The following MIA3 variants were observed in gnomAD, a reference collection of about 807,000 sequenced individuals.
MIA3 encodes transport and Golgi organization protein 1 homolog.
In MIA3, 90 loss-of-function variants were observed where a neutral mutation model predicts 192.4. That is an observed-to-expected ratio of 0.47 (90% confidence interval 0.39 to 0.56). The LOEUF is 0.56. Ranked by LOEUF, MIA3 falls within the 20% of genes least tolerant of loss-of-function variation. The probability of loss-of-function intolerance (pLI) is 0.00; values close to 1 mark genes in which losing one functional copy is unlikely to be tolerated. For missense variants in MIA3, 2,123 were observed against 2,269.4 expected, an observed-to-expected ratio of 0.94 and a Z score of 1.31; for synonymous variants, 740 against 792.8, an observed-to-expected ratio of 0.93 and a Z score of 1.12.
chr1:222,624,957 A>G, intron 3 of MIA3, 103 bp downstream of exon 3: 1 of 593,102 alleles, frequency 1.7e-6, no homozygotes, highest in Non-Finnish European at 3.0e-6. Context: ...AGATTTTATC[A>G]TAATCTGATA....
At chr1:222,624,644 G>A (rs1171748011) in intron 2 of MIA3, 124 bp from the exon 3 acceptor site, 1 of 605,912 alleles carries the variant, frequency 1.7e-6, no homozygotes, top group East Asian at 3.2e-5. Context: ...GAAAAGTAAT[G>A]ACATTACAAG....
At chr1:222,647,885 G>T in intron 7 of MIA3, 1 of 365,344 alleles carries the variant, frequency 2.7e-6, no homozygotes, top group Non-Finnish European at 5.7e-6. Context: ...TATTATAAGT[G>T]AGATTTAGAT....
Position 222,629,396 on chromosome 1 carries a change from C to T in MIA3, c.2176C>T (p.Pro726Ser). Residue 726 changes from proline (P) to serine (S), a missense_variant, in exon 4 of 28, where the codon CCC becomes TCC. Coordinates refer to ENST00000344922, the MANE Select transcript of MIA3 (RefSeq NM_198551.4). ...TTCTAAAGTAGAAGAGGATGATTAT[C>T]CCTCTGAAGAACTACTAGAGGATGA... ...FLSKVEEDDYPSEELLEDENA... is the reference protein window; with the variant it reads ...FLSKVEEDDYSSEELLEDENA... The T allele has an allele frequency of 1.9e-6, 3 of 1,614,132 alleles. No homozygotes were observed. Among genetic ancestry groups the T allele is most frequent in the Non-Finnish European group, 2.5e-6 (3 of 1,180,016 alleles).
chr1:222,633,900 G>A (rs1442325564), intron 6 of MIA3, among the ~76,000 whole-genome samples: 1 of 151,826 alleles, frequency 6.6e-6, no homozygotes, highest in African/African-American at 2.4e-5. Context: ...GCCCAGGCAG[G>A]AGTGCATTGG....
Position 222,653,022 on chromosome 1 carries a change from C to G in MIA3, c.4101C>G (p.Ile1367Met), listed in dbSNP as rs141793672. ...KKKKEQLQQE[I>M]EDWSKLHAEL... The stretch of plus-strand genomic sequence containing the variant: ...TAACTTTGCAGTTGCAGCAGGAAAT[C>G]GAAGACTGGAGTAAATTACATGCTG... Residue 1367 changes from isoleucine (I) to methionine (M), a missense_variant, in exon 14 of 28, where the codon ATC (isoleucine) becomes ATG (methionine). By Grantham distance (10) the Ile-to-Met change is conservative. Coordinates refer to ENST00000344922, the MANE Select transcript of MIA3 (RefSeq NM_198551.4). The G allele has an allele frequency of 1.9e-6, 3 of 1,610,808 alleles. No individual in the cohort carries two copies. The African/African-American group carries it at 4.0e-5, about 21-fold the overall frequency.
At position 222,665,655 on chromosome 1, in the gene MIA3, G is replaced by A; in HGVS notation, c.*36G>A. On this transcript the variant is annotated 3_prime_UTR_variant, in exon 28 of 28. Transcript: ENST00000344922. ...TCTGAGGTTTCATTGGAAAGAAAGT[G>A]TACTGTGCATTATCCATTACAGTAA... The A allele has an allele frequency of 2.7e-6, 4 of 1,497,700 alleles. No homozygotes were observed. Among genetic ancestry groups the A allele is most frequent in the Non-Finnish European group, 3.6e-6 (4 of 1,112,534 alleles). The allele number at this position is 1,497,700 out of a possible 1,614,324, so 92.8% of individuals were successfully genotyped here.
At chr1:222,658,549 A>C in intron 18 of MIA3, 173 bp from the exon 19 acceptor site, 2 of 482,704 alleles carry the variant, frequency 4.1e-6, no homozygotes, top group East Asian at 3.7e-5. Flanking sequence ...TGATGTATCA[A>C]CAGGCCACAG....
chr1:222,646,914 TCA>T (rs1663174701), intron 7 of MIA3, among the ~76,000 whole-genome samples: 1 of 152,108 alleles, frequency 6.6e-6, no homozygotes, highest in African/African-American at 2.4e-5. Flanking sequence ...CAACAAATAC[TCA>T]CAATTTAACA....
rs571417465 is a variant in MIA3 at position 222,660,231 on chromosome 1, G to A, written c.5030G>A (p.Cys1677Tyr). ...CCATCCCCTGTGAGTGGTGGAGAAT[G>A]CTCCCCTCCATTGACAGTGGAGCCA... ...FGPSPVSGGECSPPLTVEPPV... is the reference protein window; with the variant it reads ...FGPSPVSGGEYSPPLTVEPPV... The change falls in exon 24 of 28, where the codon TGC (cysteine) becomes TAC (tyrosine). Residue 1677 changes from cysteine to tyrosine, a missense_variant. This residue lies in a region of MIA3 where 762 missense variants were observed against 856.4 expected (regional missense o/e 0.89). Coordinates refer to ENST00000344922, the MANE Select transcript of MIA3 (RefSeq NM_198551.4). 134 of 1,613,726 alleles carry A rather than the reference G, an allele frequency of 8.3e-5. 3 individuals carry two copies. In the South Asian group the frequency reaches 1.2e-3, roughly 15 times the overall value.
At chr1:222,662,390 ACT>A in intron 26 of MIA3, 58 bp downstream of exon 26, 8 of 1,587,610 alleles carry the variant, frequency 5.0e-6, no homozygotes, top group African/African-American at 1.3e-5. Context: ...TCTTCCTACA[ACT>A]CTCTCTTTGC....
In MIA3 at chr1:222,666,700, A is replaced by AAGG; in HGVS notation, c.*1081_*1082insAGG. Reference sequence around the variant, plus strand: ...GAAATCAGTTCTGTTTTAGGGGGAAATGGGGGCGACAGATATTATTCCAAA... The same window carrying AAGG: ...GAAATCAGTTCTGTTTTAGGGGGAAAAGGTGGGGGCGACAGATATTATTCCAAA... On this transcript the variant is annotated 3_prime_UTR_variant, in exon 28 of 28. Transcript: ENST00000344922. The AAGG allele has an allele frequency of 1.4e-4, 1 of 7,164 alleles. No homozygotes were observed. The highest frequency in any genetic ancestry group is 2.5e-3 in the South Asian group (1 of 406). 0.4% of individuals were successfully genotyped at this position (7,164 alleles called of 1,614,324 possible). A position where few individuals can be genotyped will look rare whatever the true frequency, so the allele number is the denominator to read the frequency against.
rs766289643 is a variant in MIA3, at chr1:222,665,489, A to T, written c.5594A>T (p.His1865Leu). The T allele has an allele frequency of 1.2e-6, 2 of 1,613,790 alleles. No individual in the cohort carries two copies. Among genetic ancestry groups the T allele is most frequent in the South Asian group, 2.2e-5 (2 of 91,068 alleles). The change falls in exon 28 of 28, where the codon CAT becomes CTT. Residue 1865 changes from histidine (H) to leucine (L), a missense_variant. Around this residue, in one of 3 missense-constraint regions of MIA3, gnomAD observed 762 missense variants for 856.4 expected, o/e 0.89. Coordinates refer to ENST00000344922, the MANE Select transcript of MIA3 (RefSeq NM_198551.4). ...IPGTRLPPPT[H>L]GPQEYPPPPA... The stretch of plus-strand genomic sequence containing the variant: ...GGTACCCGATTACCACCCCCAACCC[A>T]TGGTCCCCAGGAATACCCACCACCA...
chr1:222,629,577 T>C lies in MIA3; in HGVS notation c.2357T>C (p.Leu786Ser), dbSNP rs370999964. Residue 786 changes from leucine to serine, a missense_variant, in exon 4 of 28, where the codon TTG (leucine) becomes TCG (serine). By Grantham distance (145) the Leu-to-Ser change is moderately radical. Coordinates refer to ENST00000344922, the MANE Select transcript of MIA3 (RefSeq NM_198551.4). ...EESKQETSMI[L>S]DSEKTSETAA... ...AGCAAGCAAGAAACTAGTATGATTT[T>C]GGATAGCGAAAAAACAAGTGAGACT... 6.2e-6 allele frequency: 10 copies of C among 1,613,946 alleles called. No individual in the cohort carries two copies. Among genetic ancestry groups the C allele is most frequent in the Non-Finnish European group, 5.9e-6 (7 of 1,179,962 alleles).
At chr1:222,631,647 T>A (rs1199080381) in intron 4 of MIA3, among the ~76,000 whole-genome samples, 6 of 152,242 alleles carry the variant, frequency 3.9e-5, no homozygotes, top group African/African-American at 1.4e-4. Context: ...TGGATCACAT[T>A]GGACTGTCCC....
Position 222,627,597 on chromosome 1 carries a change from A to T in MIA3, c.377A>T (p.Asp126Val). 1 of 1,576,882 alleles carries T rather than the reference A, an allele frequency of 6.3e-7. No individual in the cohort carries two copies. The highest frequency in any genetic ancestry group is 8.6e-7 in the Non-Finnish European group (1 of 1,168,128). Residue 126 changes from aspartate (D) to valine (V), a missense_variant, in exon 4 of 28, where the codon GAT becomes GTT. Asp to Val is a radical substitution (Grantham distance 152, BLOSUM62 -3). This residue lies in a region of MIA3 where 1,357 missense variants were observed against 1,396.1 expected (regional missense o/e 0.97). Coordinates refer to ENST00000344922, the MANE Select transcript of MIA3 (RefSeq NM_198551.4). ...PTDETDFVCF[D>V]GGRDDFHNYN... The stretch of plus-strand genomic sequence containing the variant: ...CAGGAGACGGATTTTGTTTGTTTTG[A>T]TGGAGGAAGAGATGATTTTCATAAT...
chr1:222,623,527 T>A (rs1261810218), intron 2 of MIA3, among the ~76,000 whole-genome samples: 1 of 152,212 alleles, frequency 6.6e-6, no homozygotes, highest in Non-Finnish European at 1.5e-5. Context: ...GTTTTCATTC[T>A]GCAGTCTTTT....
At chr1:222,645,503 T>C in intron 6 of MIA3, 51 bp from the exon 7 acceptor site, 4 of 1,516,044 alleles carry the variant, frequency 2.6e-6, no homozygotes, top group Non-Finnish European at 3.6e-6. Context: ...TGCTTTATGG[T>C]AAGCTTCTTT....
intron 2 of MIA3, among the ~76,000 whole-genome samples, chr1:222,621,710 T>C (rs529916125): frequency 5.8e-4 from 88 of 152,348 alleles, no homozygotes; most frequent in African/African-American, 2.0e-3. Context: ...TATTATTATT[T>C]ATGAAAAAGT....
At chr1:222,630,423 G>T in intron 4 of MIA3, 34 bp downstream of exon 4, 1 of 1,547,018 alleles carries the variant, frequency 6.5e-7, no homozygotes, top group Non-Finnish European at 8.7e-7. Flanking sequence ...AACAGGGCTG[G>T]AGAAGCAGGT....
Sources: allele counts gnomAD v4.1 joint callset (sites outside exome capture counted in the v4.1 genomes callset), GRCh38; gene constraint gnomAD v4.1.1; regional missense constraint gnomAD v4.1.1; transcripts MANE v1.5; gene names NCBI Gene and HGNC (gene_info 2026-07-23, HGNC 2026-07-21).